Variants in PTPRD observed in about 807,000 individuals in gnomAD.
PTPRD encodes the protein receptor-type tyrosine-protein phosphatase delta.
PTPRD carries 34 observed loss-of-function variants against 214.5 expected under a neutral mutation model. The observed-to-expected ratio is 0.16, with a 90% CI of 0.12 to 0.21. The LOEUF is 0.21. PTPRD is among the 10% of genes least tolerant of loss of function. The pLI, the probability that PTPRD is intolerant of heterozygous loss-of-function variation, is 1.00. For missense variants in PTPRD, 2,545 were observed against 2,398.7 expected, an observed-to-expected ratio of 1.06 and a Z score of -1.27; for synonymous variants, 1,128 against 845.7, an observed-to-expected ratio of 1.33 and a Z score of -5.79.
intron 11 of PTPRD, among the ~76,000 whole-genome samples, chr9:8,983,272 T>A (rs1003954186): frequency 6.6e-6 from 1 of 151,990 alleles, no homozygotes; most frequent in African/African-American, 2.4e-5. Flanking sequence ...CTTGAAGAGA[T>A]ACAGATGAAA....
intron 14 of PTPRD, among the ~76,000 whole-genome samples, chr9:8,628,019 A>G (rs1011084366): frequency 6.6e-6 from 1 of 151,858 alleles, no homozygotes; most frequent in Non-Finnish European, 1.5e-5. Context: ...TTCAGTCAGT[A>G]CCATAATTGT....
At chr9:9,453,736 T>C (rs1162228310) in intron 8 of PTPRD, among the ~76,000 whole-genome samples, 1 of 151,752 alleles carries the variant, frequency 6.6e-6, no homozygotes, top group Admixed American at 6.6e-5. Flanking sequence ...TTTAAATTAA[T>C]CTGACATTTT....
chr9:9,813,804 C>G (rs538964276), intron 5 of PTPRD, among the ~76,000 whole-genome samples: 1 of 151,878 alleles, frequency 6.6e-6, no homozygotes, highest in Non-Finnish European at 1.5e-5. Flanking sequence ...GATAAAGATG[C>G]GAAAAGAAAA....
At chr9:9,979,114 T>A (rs893787369) in intron 4 of PTPRD, among the ~76,000 whole-genome samples, 2 of 152,044 alleles carry the variant, frequency 1.3e-5, no homozygotes, top group Admixed American at 1.3e-4. Context: ...AGCACACTTG[T>A]ACTATGAGAA....
At chr9:9,510,326 T>C (rs1193574781) in intron 8 of PTPRD, among the ~76,000 whole-genome samples, 1 of 151,744 alleles carries the variant, frequency 6.6e-6, no homozygotes, top group Non-Finnish European at 1.5e-5. Flanking sequence ...TATAAACTTT[T>C]AAAAACAGGA....
chr9:9,110,028 C>T (rs964985846), intron 10 of PTPRD, among the ~76,000 whole-genome samples: 6 of 152,048 alleles, frequency 3.9e-5, no homozygotes, highest in Non-Finnish European at 8.8e-5. Flanking sequence ...AGAGACACTA[C>T]AGAAGTCAAG....
At chr9:8,929,267 G>A (rs997721792) in intron 11 of PTPRD, among the ~76,000 whole-genome samples, 9 of 152,010 alleles carry the variant, frequency 5.9e-5, no homozygotes, top group South Asian at 2.1e-4. Flanking sequence ...GTCTTGTGCC[G>A]GTTTTCAAAG....
intron 9 of PTPRD, among the ~76,000 whole-genome samples, chr9:9,363,831 A>C (rs1200075897): frequency 6.6e-6 from 1 of 151,380 alleles, no homozygotes; most frequent in East Asian, 1.9e-4. Context: ...ACTAAGGTCC[A>C]GCGACAGTAA....
intron 35 of PTPRD, among the ~76,000 whole-genome samples, chr9:8,436,202 A>C (rs2095341661): frequency 6.6e-6 from 1 of 150,744 alleles, no homozygotes; most frequent in Non-Finnish European, 1.5e-5. Context: ...GAGGGCTGGC[A>C]AAAGGGGAGA....
chr9:9,844,120 ATTGATTTTTTTCATTG>A lies in PTPRD; in HGVS notation c.-367-77285_-367-77270del, dbSNP rs1483062028. The stretch of plus-strand genomic sequence containing the variant: ...TCCTATATTCTTAATGAAAGTAGCA[ATTGATTTTTTTCATTG>A]TTTACTGCCTTAATTTTATTGTTTT... On this transcript the variant is annotated intron_variant, in intron 5 of 45. Transcript: ENST00000381196. Among the ~76,000 whole-genome samples the A allele has an allele frequency of 7.2e-5, 11 of 152,098 alleles. No individual in the cohort carries two copies. The East Asian group carries it at 2.1e-3, about 29-fold the overall frequency.
intron 3 of PTPRD, among the ~76,000 whole-genome samples, chr9:10,061,567 A>T (rs1195215791): frequency 6.6e-6 from 1 of 152,064 alleles, no homozygotes; most frequent in African/African-American, 2.4e-5. Context: ...TCTAGAGTGA[A>T]TCTTATATTG....
chr9:8,665,042 T>C (rs904105399), intron 12 of PTPRD, among the ~76,000 whole-genome samples: 1 of 152,214 alleles, frequency 6.6e-6, no homozygotes, highest in African/African-American at 2.4e-5. Flanking sequence ...TGCACCTTGA[T>C]TTTGTCAAAC....
intron 3 of PTPRD, among the ~76,000 whole-genome samples, chr9:10,300,602 G>C (rs1312215324): frequency 6.6e-6 from 1 of 152,134 alleles, no homozygotes; most frequent in Non-Finnish European, 1.5e-5. Flanking sequence ...CCATTGCTGA[G>C]GCTTGAGTAA....
Position 8,353,425 on chromosome 9 carries a change from T to TATGAATGA in PTPRD, c.4662-11455_4662-11448dup, listed in dbSNP as rs71317360. Reference sequence around the variant, plus strand: ...CTATTTATTTATTTATTTATGAATGTATGAATGAATGAATGAATGAATGAG... The same window carrying TATGAATGA: ...CTATTTATTTATTTATTTATGAATGTATGAATGAATGAATGAATGAATGAATGAATGAG... On this transcript the variant is annotated intron_variant, in intron 39 of 45. Coordinates refer to ENST00000381196, the MANE Select transcript of PTPRD (RefSeq NM_002839.4). Among the ~76,000 whole-genome samples, 11 of 151,244 alleles carry TATGAATGA rather than the reference T, an allele frequency of 7.3e-5. No individual in the cohort carries two copies. In the South Asian group the frequency reaches 1.9e-3, roughly 26 times the overall value.
At chr9:9,666,278 G>C (rs1251206630) in intron 7 of PTPRD, among the ~76,000 whole-genome samples, 1 of 151,826 alleles carries the variant, frequency 6.6e-6, no homozygotes, top group Non-Finnish European at 1.5e-5. Context: ...TAATTCAAAA[G>C]GATGAGTAGG....
At chr9:9,639,005 C>G (rs2095855956) in intron 7 of PTPRD, among the ~76,000 whole-genome samples, 1 of 152,164 alleles carries the variant, frequency 6.6e-6, no homozygotes, top group Non-Finnish European at 1.5e-5. Flanking sequence ...AAAACACCTC[C>G]CAAAAGGCCC....
chr9:10,016,471 A>G (rs1299928628), intron 4 of PTPRD, among the ~76,000 whole-genome samples: 2 of 152,158 alleles, frequency 1.3e-5, no homozygotes, highest in East Asian at 1.9e-4. Context: ...TCTGTAAATC[A>G]TCAAAGAAAG....
At chr9:9,783,973 G>A (rs915977766) in intron 5 of PTPRD, among the ~76,000 whole-genome samples, 1 of 151,930 alleles carries the variant, frequency 6.6e-6, no homozygotes, top group African/African-American at 2.4e-5. Context: ...ATTTTAAATA[G>A]TGGGGAAAAA....
chr9:10,271,175 C>G (rs769532368), intron 3 of PTPRD, among the ~76,000 whole-genome samples: 1 of 151,992 alleles, frequency 6.6e-6, no homozygotes, highest in Non-Finnish European at 1.5e-5. Context: ...AAAAGTGAGC[C>G]ATATTTTCCC....
Sources: gnomAD v4.1 joint callset for allele counts (sites outside exome capture counted in the v4.1 genomes callset) on GRCh38, gnomAD v4.1.1 for gene constraint, MANE v1.5 for transcripts, NCBI Gene and HGNC (gene_info 2026-07-23, HGNC 2026-07-21) for gene names.